PARD3B: variants seen among roughly 807,000 people sequenced by gnomAD.
PARD3B encodes partitioning defective 3 homolog B.
In PARD3B, 103 loss-of-function variants were observed where a neutral mutation model predicts 130.2. The observed-to-expected ratio is 0.79, with a 90% CI of 0.67 to 0.93. The LOEUF (loss-of-function observed/expected upper bound fraction) is 0.93, where lower values mean the gene tolerates loss of function less well. Among genes scored for constraint, PARD3B ranks in the 40% least tolerant of loss-of-function variants. The pLI, the probability that PARD3B is intolerant of heterozygous loss-of-function variation, is 0.00. For missense variants in PARD3B, 1,609 were observed against 1,499.2 expected (o/e 1.07, Z -1.21); for synonymous variants, 583 against 553.2 (o/e 1.05, Z -0.76).
rs189935852 is a variant in PARD3B, at chr2:205,461,201, G to A, written c.3044+20529G>A. ...TCACTGAGAAAGCGACATTTAAGTC[G>A]AGACTCAAAGAGTGAGTAGCCATGA... On this transcript the variant is annotated intron_variant, in intron 20 of 22. Coordinates refer to ENST00000406610, the MANE Select transcript of PARD3B (RefSeq NM_001302769.2). The surrounding 1 kb of genome is among the most constrained non-coding windows in gnomAD (Gnocchi z 4.3). Among the ~76,000 whole-genome samples the A allele has an allele frequency of 8.1e-4, 123 of 152,242 alleles. 1 individual carries two copies. The highest frequency in any genetic ancestry group is 2.8e-3 in the African/African-American group (115 of 41,548).
intron 14 of PARD3B, among the ~76,000 whole-genome samples, chr2:205,188,390 G>A (rs994623669): frequency 6.6e-6 from 1 of 152,212 alleles, no homozygotes; most frequent in South Asian, 2.1e-4. Flanking sequence ...CCGGAGAGCA[G>A]TGGAGAAGCA....
chr2:205,142,938 A>G lies in PARD3B; in HGVS notation c.1435-15784A>G, dbSNP rs2033086975. ...ATAGGCAAGCTGGCAAATAATTGTA[A>G]GAAAGTGATGCGAATCATCAGAATG... On this transcript the variant is annotated intron_variant, in intron 10 of 22. Transcript: ENST00000406610. This position sits in a 1 kb window ranked among gnomAD's most constrained non-coding sequence, Gnocchi z 4.3. Among the ~76,000 whole-genome samples, 1 of 151,210 alleles carries G rather than the reference A, an allele frequency of 6.6e-6. No individual in the cohort carries two copies. Among genetic ancestry groups the G allele is most frequent in the Non-Finnish European group, 1.5e-5 (1 of 67,576 alleles).
At chr2:205,180,430 T>A (rs2035724571) in intron 13 of PARD3B, among the ~76,000 whole-genome samples, 1 of 152,114 alleles carries the variant, frequency 6.6e-6, no homozygotes, top group Admixed American at 6.5e-5. Context: ...GAGTTTCAGA[T>A]CCATGTCAGG....
intron 1 of PARD3B, among the ~76,000 whole-genome samples, chr2:204,608,316 A>G (rs958616498): frequency 6.6e-6 from 1 of 152,208 alleles, no homozygotes; most frequent in African/African-American, 2.4e-5. Flanking sequence ...ACTAGCTGTT[A>G]CATGTTTATA....
intron 3 of PARD3B, among the ~76,000 whole-genome samples, chr2:205,004,894 C>A (rs1695128256): frequency 6.6e-6 from 1 of 152,286 alleles, no homozygotes; most frequent in African/African-American, 2.4e-5. Flanking sequence ...TATACTCTAG[C>A]AGTCCCTCTG....
chr2:205,355,421 A>T (rs1043436404), intron 18 of PARD3B, among the ~76,000 whole-genome samples: 1 of 152,244 alleles, frequency 6.6e-6, no homozygotes, highest in African/African-American at 2.4e-5. Flanking sequence ...AGCAAAAATG[A>T]TAAGGCCAAA....
chr2:205,194,510 AG>A (rs1489388573), intron 15 of PARD3B, among the ~76,000 whole-genome samples: 2 of 152,238 alleles, frequency 1.3e-5, no homozygotes, highest in Non-Finnish European at 2.9e-5. Flanking sequence ...TTTAAAGAGC[AG>A]TTCATTTTCA....
At chr2:205,109,840 G>A (rs1427607846) in intron 5 of PARD3B, among the ~76,000 whole-genome samples, 5 of 151,948 alleles carry the variant, frequency 3.3e-5, no homozygotes, top group Non-Finnish European at 7.4e-5. Flanking sequence ...TTTTAGTAGA[G>A]ATGGTGTTTC....
chr2:205,289,360 CA>C (rs913772587), intron 16 of PARD3B, among the ~76,000 whole-genome samples: 17 of 146,278 alleles, frequency 1.2e-4, no homozygotes, highest in Middle Eastern at 3.4e-3. Context: ...TTTTGTTCAC[CA>C]AAAAAAAAAT....
At chr2:205,057,085 T>G (rs2125442181) in intron 4 of PARD3B, among the ~76,000 whole-genome samples, 1 of 151,740 alleles carries the variant, frequency 6.6e-6, no homozygotes, top group African/African-American at 2.4e-5. Context: ...ATACAGGCAT[T>G]GTTTATTTAA....
rs190600893 is a variant in PARD3B, at chr2:205,057,511, G to A, written c.504+9821G>A. ...TGTATATGTATATATACATATATGT[G>A]TATGTGCATGTGTATATATACATAT... On this transcript the variant is annotated intron_variant, in intron 4 of 22. Coordinates refer to ENST00000406610, the MANE Select transcript of PARD3B (RefSeq NM_001302769.2). Among the ~76,000 whole-genome samples, 206 of 142,528 alleles carry A rather than the reference G, an allele frequency of 1.4e-3. 4 individuals are homozygous for A. Among genetic ancestry groups the A allele is most frequent in the African/African-American group, 5.2e-3 (195 of 37,700 alleles). The allele number at this position is 142,528 out of a possible 152,430, so 93.5% of individuals were successfully genotyped here.
At chr2:204,956,846 G>C (rs977716537) in intron 2 of PARD3B, among the ~76,000 whole-genome samples, 13 of 152,146 alleles carry the variant, frequency 8.5e-5, no homozygotes, top group African/African-American at 2.9e-4. Flanking sequence ...CTGAAAATTT[G>C]TGTTATTCTG....
chr2:205,016,315 G>A lies in PARD3B; in HGVS notation c.395-31266G>A, dbSNP rs530800484. ...TGCAAAACCTATCTTTTTTGACCCC[G>A]CCTACCTCTGTTGGCTCATTTTGTG... is the stretch of plus-strand genomic sequence containing the variant. On this transcript the variant is annotated intron_variant, in intron 3 of 22. Coordinates refer to ENST00000406610, the MANE Select transcript of PARD3B (RefSeq NM_001302769.2). Among the ~76,000 whole-genome samples the A allele has an allele frequency of 4.0e-4, 61 of 152,046 alleles. 1 individual carries two copies. The highest frequency in any genetic ancestry group is 1.4e-3 in the African/African-American group (57 of 41,498).
rs532801596 is a variant in PARD3B at position 204,959,443 on chromosome 2, C to G, written c.223-5709C>G. On this transcript the variant is annotated intron_variant, in intron 2 of 22. Transcript: ENST00000406610. Reference sequence around the variant, plus strand: ...AAATAGTGCTGCAATAAACATGCATCTTCATGTGTCTTTATAGTAGAATGA... The same window carrying G: ...AAATAGTGCTGCAATAAACATGCATGTTCATGTGTCTTTATAGTAGAATGA... 3.3e-5 allele frequency among the ~76,000 whole-genome samples: 5 copies of G among 152,172 alleles called. No homozygotes were observed. In the South Asian group the frequency reaches 1.0e-3, roughly 32 times the overall value.
At position 204,623,682 on chromosome 2, in the gene PARD3B, C is replaced by T. The variant is rs2034383257; in HGVS notation, c.121-62499C>T. On this transcript the variant is annotated intron_variant, in intron 1 of 22. Transcript: ENST00000406610. The surrounding 1 kb of genome is among the most constrained non-coding windows in gnomAD (Gnocchi z 4.5). The stretch of plus-strand genomic sequence containing the variant: ...TAACATGAGATCTGTCCTCTTAACA[C>T]TTTTGAACACATTTTAAGTATATAA... 6.6e-6 allele frequency among the ~76,000 whole-genome samples: 1 copy of T among 152,078 alleles called. No homozygotes were observed. The highest frequency in any genetic ancestry group is 2.4e-5 in the African/African-American group (1 of 41,400).
Position 205,041,203 on chromosome 2 carries a change from T to C in PARD3B, c.395-6378T>C, listed in dbSNP as rs548725953. 1.9e-3 allele frequency among the ~76,000 whole-genome samples: 289 copies of C among 152,312 alleles called. 1 individual carries two copies. Among genetic ancestry groups the C allele is most frequent in the African/African-American group, 6.5e-3 (271 of 41,574 alleles). On this transcript the variant is annotated intron_variant, in intron 3 of 22. Transcript: ENST00000406610. ...CTAGAAACCAATATGATTTTCATTA[T>C]CAGCTTCATATTCATCTTTGTGAAT...
chr2:205,526,331 T>C (rs1032061142), intron 21 of PARD3B, among the ~76,000 whole-genome samples: 2 of 152,228 alleles, frequency 1.3e-5, no homozygotes, highest in African/African-American at 4.8e-5. Flanking sequence ...ATATCTGTAG[T>C]GACAGAACCT....
intron 18 of PARD3B, among the ~76,000 whole-genome samples, chr2:205,330,246 GA>G (rs1457717240): frequency 2.0e-5 from 3 of 150,922 alleles, no homozygotes; most frequent in Non-Finnish European, 1.5e-5. Flanking sequence ...GAGGCTGAGG[GA>G]GGAGAATCGC....
chr2:205,195,454 A>C (rs571372988), intron 15 of PARD3B, among the ~76,000 whole-genome samples: 2 of 152,212 alleles, frequency 1.3e-5, no homozygotes, highest in African/African-American at 2.4e-5. Context: ...GAGAGTCAGC[A>C]TTCTAGTACC....
Sources: gnomAD v4.1 joint callset for allele counts (sites outside exome capture counted in the v4.1 genomes callset) on GRCh38, gnomAD v4.1.1 for gene constraint, Gnocchi (gnomAD v3.1) non-coding constraint, MANE v1.5 for transcripts, NCBI Gene and HGNC (gene_info 2026-07-23, HGNC 2026-07-21) for gene names.